AOPEP: variants seen among roughly 807,000 people sequenced by gnomAD.
AOPEP encodes the protein aminopeptidase O (putative), also known as aminopeptidase O.
Under a neutral mutation model 98.1 loss-of-function variants are expected in AOPEP, and 77 were observed. The observed-to-expected ratio is 0.78, with a 90% CI of 0.65 to 0.95. The LOEUF is 0.95. AOPEP is among the 40% of genes least tolerant of loss of function. AOPEP has a pLI of 0.00. For synonymous variants in AOPEP, 346 were observed against 365.3 expected (o/e 0.95, Z 0.60); for missense variants, 1,024 against 1,024.7 (o/e 1.00, Z 0.01).
the AOPEP span, chr9:95,114,079 CT>C: frequency 1.1e-5 from 2 of 188,684 alleles, no homozygotes; most frequent in Non-Finnish European, 2.3e-5. Context: ...AGAGCAAGAC[CT>C]TATCTCTAAA....
intron 9 of AOPEP, among the ~76,000 whole-genome samples, chr9:94,961,204 G>T: frequency 6.6e-6 from 1 of 152,082 alleles, no homozygotes; most frequent in Non-Finnish European, 1.5e-5. Flanking sequence ...CTGCCTCTTA[G>T]ATGACAGAAG....
chr9:95,115,723 A>G, the AOPEP span, among the ~76,000 whole-genome samples: 1 of 152,210 alleles, frequency 6.6e-6, no homozygotes, highest in Non-Finnish European at 1.5e-5. Flanking sequence ...GCTACTCCAC[A>G]AGGCCAGCGC....
At chr9:94,990,478 G>T (rs2060824032) in intron 11 of AOPEP, among the ~76,000 whole-genome samples, 1 of 152,140 alleles carries the variant, frequency 6.6e-6, no homozygotes, top group Non-Finnish European at 1.5e-5. Context: ...AAAGATAGCA[G>T]CTCTAGAGTG....
intron 13 of AOPEP, among the ~76,000 whole-genome samples, chr9:95,023,745 T>C (rs565400150): frequency 6.6e-6 from 1 of 152,284 alleles, no homozygotes; most frequent in African/African-American, 2.4e-5. Context: ...CTATTATTCT[T>C]GTGTGGAATT....
the AOPEP span, among the ~76,000 whole-genome samples, chr9:95,141,557 G>A: frequency 1.3e-5 from 2 of 151,748 alleles, no homozygotes; most frequent in African/African-American, 2.4e-5. Flanking sequence ...ATTGTAGGTC[G>A]GCCCTTTCTT....
chr9:94,950,691 T>C (rs2058039025), intron 7 of AOPEP, among the ~76,000 whole-genome samples: 1 of 152,220 alleles, frequency 6.6e-6, no homozygotes, highest in African/African-American at 2.4e-5. Context: ...TTCTGTCTCA[T>C]TTCTGGGATG....
chr9:95,026,994 G>T (rs558230953), intron 13 of AOPEP, among the ~76,000 whole-genome samples: 1 of 152,314 alleles, frequency 6.6e-6, no homozygotes, highest in East Asian at 1.9e-4. Context: ...GGGAGTGGTG[G>T]CTCACGCTTG....
chr9:94,770,532 G>A (rs903622637), intron 2 of AOPEP, among the ~76,000 whole-genome samples: 2 of 152,152 alleles, frequency 1.3e-5, no homozygotes, highest in African/African-American at 4.8e-5. Flanking sequence ...GCTGTTGCAG[G>A]CTTTGGTTCC....
chr9:94,865,204 A>C (rs538757740), intron 5 of AOPEP, among the ~76,000 whole-genome samples: 3 of 152,344 alleles, frequency 2.0e-5, no homozygotes, highest in East Asian at 3.9e-4. Flanking sequence ...ACGTTAATCA[A>C]CAGCAATAAA....
chr9:94,865,865 G>A (rs1183049276), intron 5 of AOPEP, among the ~76,000 whole-genome samples: 6 of 152,180 alleles, frequency 3.9e-5, no homozygotes, highest in South Asian at 2.1e-4. Flanking sequence ...ATTTCCAACC[G>A]CAAATTATAC....
intron 5 of AOPEP, among the ~76,000 whole-genome samples, chr9:94,864,331 C>A (rs1283541862): frequency 2.0e-5 from 3 of 152,170 alleles, no homozygotes; most frequent in African/African-American, 7.2e-5. Flanking sequence ...AAAAACTTTT[C>A]CATTTATTGG....
intron 13 of AOPEP, among the ~76,000 whole-genome samples, chr9:95,047,722 C>T (rs2065971852): frequency 6.6e-6 from 1 of 152,080 alleles, no homozygotes; most frequent in African/African-American, 2.4e-5. Context: ...TTGTTGGGGT[C>T]GATTCTGGTG....
In AOPEP at chr9:94,793,272, C is replaced by T. The variant is rs575666781; in HGVS notation, c.1118+354C>T. 1.3e-4 allele frequency among the ~76,000 whole-genome samples: 19 copies of T among 151,686 alleles called. 1 individual carries two copies. The highest frequency in any genetic ancestry group is 1.9e-4 in the African/African-American group (8 of 41,386). ...CTGAGGCAGGAGAATGGCTTGAACC[C>T]GGGAGGCAGAGGTTGCGGTGAGCTG... On this transcript the variant is annotated intron_variant, in intron 4 of 16. Transcript: ENST00000375315.
intron 5 of AOPEP, among the ~76,000 whole-genome samples, chr9:94,806,947 G>A (rs35391871): frequency 0.021 from 3,264 of 152,252 alleles, 49 homozygotes; most frequent in Non-Finnish European, 0.034. Context: ...ATCTTGTGAT[G>A]GCTGTCAAGA....
At chr9:95,109,653 G>C in the AOPEP span, 71,675 of 151,992 alleles carry the variant, frequency 0.47, 17,306 homozygotes, top group East Asian at 0.62. Flanking sequence ...GACACGCTTG[G>C]TCTTTGCACC....
the AOPEP span, chr9:95,111,117 C>A: frequency 6.5e-7 from 1 of 1,531,868 alleles, no homozygotes; most frequent in Non-Finnish European, 8.7e-7. Context: ...CGGCACACCC[C>A]TCAGAACAGC....
At chr9:95,101,346 C>T in the AOPEP span, 1 of 382,952 alleles carries the variant, frequency 2.6e-6, no homozygotes, top group South Asian at 3.5e-5. Context: ...GGTTCTAAGA[C>T]TTTGAATTTT....
rs922812438 is a variant in AOPEP at position 95,005,099 on chromosome 9, G to A, written c.1978-59G>A. ...CGGGCACGCCGAGTTAGCGGGCGCG[G>A]GGCAGGGAGGCCGGGGCCGCTCCCG... On this transcript the variant is annotated intron_variant, in intron 11 of 16. Coordinates refer to ENST00000375315, the MANE Select transcript of AOPEP (RefSeq NM_001193329.3). The A allele has an allele frequency of 9.0e-6, 8 of 890,002 alleles. No homozygotes were observed. In the Admixed American group the frequency reaches 2.7e-4, roughly 30 times the overall value. 55.1% of individuals were successfully genotyped at this position (890,002 alleles called of 1,614,324 possible).
intron 14 of AOPEP, chr9:95,065,408 G>C (rs918988558): frequency 6.6e-6 from 1 of 152,260 alleles, no homozygotes; most frequent in Non-Finnish European, 1.5e-5. Context: ...TTATGAATAG[G>C]AGCAGTGCCG....
Sources: allele counts gnomAD v4.1 joint callset (sites outside exome capture counted in the v4.1 genomes callset), GRCh38; gene constraint gnomAD v4.1.1; transcripts MANE v1.5; gene names NCBI Gene and HGNC (gene_info 2026-07-23, HGNC 2026-07-21).